RIMKLA: variants seen among roughly 807,000 people sequenced by gnomAD.
RIMKLA encodes ribosomal modification protein rimK like family member A.
In RIMKLA, 14 loss-of-function variants were observed where a neutral mutation model predicts 32.7. The observed-to-expected ratio is 0.43, with a 90% confidence interval of 0.28 to 0.67. The LOEUF is 0.67. Among genes scored for constraint, RIMKLA ranks in the 30% least tolerant of loss-of-function variants. RIMKLA has a pLI of 0.18. For missense variants in RIMKLA, 410 were observed against 519.0 expected (o/e 0.79, Z 2.04); for synonymous variants, 176 against 204.1 (o/e 0.86, Z 1.18).
intron 1 of RIMKLA, among the ~76,000 whole-genome samples, chr1:42,382,865 TG>T (rs1175061486): frequency 2.0e-5 from 3 of 152,172 alleles, no homozygotes; most frequent in African/African-American, 7.2e-5. Context: ...TTCTTTTTTT[TG>T]TTTTTTTTGA....
chr1:42,386,613 C>T (rs956940271), intron 1 of RIMKLA, among the ~76,000 whole-genome samples: 1 of 150,552 alleles, frequency 6.6e-6, no homozygotes. Context: ...CTGTGGCAGG[C>T]GCTTGTAATC....
intron 3 of RIMKLA, among the ~76,000 whole-genome samples, chr1:42,409,184 A>G (rs1301644764): frequency 3.2e-5 from 4 of 123,102 alleles, no homozygotes; most frequent in Non-Finnish European, 6.4e-5. Flanking sequence ...CCTGGGTGAC[A>G]GAGCGAGACT....
At chr1:42,400,740 C>T (rs1272535048) in intron 2 of RIMKLA, among the ~76,000 whole-genome samples, 1 of 151,988 alleles carries the variant, frequency 6.6e-6, no homozygotes, top group South Asian at 2.1e-4. Context: ...GTAGTACATG[C>T]AAGTAAAAAT....
chr1:42,385,076 T>C (rs1172166696), intron 1 of RIMKLA, among the ~76,000 whole-genome samples: 2 of 152,238 alleles, frequency 1.3e-5, no homozygotes, highest in Non-Finnish European at 2.9e-5. Flanking sequence ...TATAATTGTC[T>C]ATTTATACAG....
At position 42,381,108 on chromosome 1, in the gene RIMKLA, C is replaced by T. The variant is rs1476729270; in HGVS notation, c.163+11C>T. ...TCGGCGGCCACCTCGGTGAGCGAGG[C>T]GGGCCCGGGGAGGGCAGGGAGGCGC... On this transcript the variant is annotated intron_variant, in intron 1 of 4. Transcript: ENST00000431473. 5 of 1,245,698 alleles carry T rather than the reference C, an allele frequency of 4.0e-6. No individual in the cohort carries two copies. The South Asian group carries it at 1.0e-4, about 25-fold the overall frequency. The allele number at this position is 1,245,698 out of a possible 1,614,324, so 77.2% of individuals were successfully genotyped here. A position where few individuals can be genotyped will look rare whatever the true frequency, so the allele number is the denominator to read the frequency against.
In RIMKLA at chr1:42,414,566, C is replaced by T. The variant is rs1351148209; in HGVS notation, c.768C>T (p.Phe256=). The T allele has an allele frequency of 6.2e-7, 1 of 1,614,244 alleles. No individual in the cohort carries two copies. The highest frequency in any genetic ancestry group is 8.5e-7 in the Non-Finnish European group (1 of 1,180,038). ...IQVSNILGMD[F]CGIDLLIMDD... is the part of the protein sequence containing the mutation. ...TGTCCAACATCCTAGGCATGGACTTCTGTGGCATTGATCTCCTTATCATGG... is the reference window on the plus strand; with the variant it reads ...TGTCCAACATCCTAGGCATGGACTTTTGTGGCATTGATCTCCTTATCATGG... The change falls in exon 5 of 5, where the codon TTC becomes TTT. Residue 256 remains phenylalanine (F), a synonymous_variant. Coordinates refer to ENST00000431473, the MANE Select transcript of RIMKLA (RefSeq NM_173642.4).
In RIMKLA at chr1:42,418,411, C is replaced by T. The variant is rs1287156438; in HGVS notation, c.*3437C>T. The T allele has an allele frequency of 1.3e-5, 2 of 152,264 alleles. No homozygotes were observed. The highest frequency in any genetic ancestry group is 4.8e-5 in the African/African-American group (2 of 41,544). The allele number at this position is 152,264 out of a possible 1,614,324, so 9.4% of individuals were successfully genotyped here. On this transcript the variant is annotated 3_prime_UTR_variant, in exon 5 of 5. Transcript: ENST00000431473. ...GCCACTAGTGTCACAATTTCAGGCC[C>T]ATTGCTTCCAGCTAAAAGGAGATTC...
chr1:42,385,099 C>G (rs148534486), intron 1 of RIMKLA, among the ~76,000 whole-genome samples: 49 of 152,314 alleles, frequency 3.2e-4, no homozygotes, highest in Admixed American at 1.2e-3. Context: ...TATATCCCCC[C>G]TCCCTCTGAA....
At position 42,399,393 on chromosome 1, in the gene RIMKLA, T is replaced by G. The variant is rs1409477187; in HGVS notation, c.164-11T>G. 1 of 1,590,640 alleles carries G rather than the reference T, an allele frequency of 6.3e-7. No individual in the cohort carries two copies. The highest frequency in any genetic ancestry group is 1.7e-5 in the Admixed American group (1 of 57,360). ...GCAGGCACAGCACTCACTGTTGTCCTTGAATTGCAGGCCTCCAGCTAAACC... is the reference window on the plus strand; with the variant it reads ...GCAGGCACAGCACTCACTGTTGTCCGTGAATTGCAGGCCTCCAGCTAAACC... On this transcript the variant is annotated splice_polypyrimidine_tract_variant and intron_variant, in intron 1 of 4. Coordinates refer to ENST00000431473, the MANE Select transcript of RIMKLA (RefSeq NM_173642.4).
At chr1:42,411,984 T>C (rs1643202842) in intron 4 of RIMKLA, among the ~76,000 whole-genome samples, 1 of 152,204 alleles carries the variant, frequency 6.6e-6, no homozygotes, top group Non-Finnish European at 1.5e-5. Context: ...TTCATGATCA[T>C]GCTTAGTGCC....
chr1:42,387,219 T>C (rs1642957405), intron 1 of RIMKLA, among the ~76,000 whole-genome samples: 1 of 151,702 alleles, frequency 6.6e-6, no homozygotes, highest in Non-Finnish European at 1.5e-5. Flanking sequence ...CCAGCCTGGG[T>C]GATACAGTGA....
At chr1:42,402,544 A>T (rs1179592422) in intron 2 of RIMKLA, among the ~76,000 whole-genome samples, 1 of 151,804 alleles carries the variant, frequency 6.6e-6, no homozygotes, top group Non-Finnish European at 1.5e-5. Flanking sequence ...AAATGCAAGG[A>T]AATAGATTTT....
intron 1 of RIMKLA, among the ~76,000 whole-genome samples, chr1:42,384,008 C>T (rs1275028637): frequency 6.6e-6 from 1 of 152,138 alleles, no homozygotes; most frequent in East Asian, 1.9e-4. Flanking sequence ...TCACTCCTTT[C>T]CATTGCTTCT....
rs921276010 is a variant in RIMKLA at position 42,394,344 on chromosome 1, A to G, written c.164-5060A>G. On this transcript the variant is annotated intron_variant, in intron 1 of 4. Coordinates refer to ENST00000431473, the MANE Select transcript of RIMKLA (RefSeq NM_173642.4). Reference sequence around the variant, plus strand: ...TGAATCCAAGGATGCACATGTGTGCACACATATGTGAGTGACATGCATGCA... The same window carrying G: ...TGAATCCAAGGATGCACATGTGTGCGCACATATGTGAGTGACATGCATGCA... 2.6e-5 allele frequency among the ~76,000 whole-genome samples: 4 copies of G among 152,252 alleles called. No homozygotes were observed. The East Asian group carries it at 7.7e-4, about 29-fold the overall frequency.
intron 3 of RIMKLA, among the ~76,000 whole-genome samples, chr1:42,406,227 A>G (rs545722838): frequency 2.0e-4 from 30 of 152,224 alleles, no homozygotes; most frequent in Non-Finnish European, 3.7e-4. Context: ...TGAAAATACA[A>G]TTCACATAAA....
At chr1:42,384,524 T>C (rs904826240) in intron 1 of RIMKLA, among the ~76,000 whole-genome samples, 1 of 143,780 alleles carries the variant, frequency 7.0e-6, no homozygotes, top group African/African-American at 2.5e-5. Context: ...TATATGTGTG[T>C]ATATATACAT....
rs1453010006 is a variant in RIMKLA, at chr1:42,414,724, G to A, written c.926G>A (p.Gly309Glu). Residue 309 changes from glycine to glutamate, a missense_variant, in exon 5 of 5, where the codon GGA (glycine) becomes GAA (glutamate). Gly to Glu is a moderately conservative substitution (Grantham distance 98). Transcript: ENST00000431473. ...TCCTTGCTGCCAAATAGGCAGACTGGAAAGATGGCTGTCCTCCCAGGACTG... is the reference window on the plus strand; with the variant it reads ...TCCTTGCTGCCAAATAGGCAGACTGAAAAGATGGCTGTCCTCCCAGGACTG... ...TMSLLPNRQT[G>E]KMAVLPGLSS... 6.2e-7 allele frequency: 1 copy of A among 1,614,218 alleles called. No individual in the cohort carries two copies. Among genetic ancestry groups the A allele is most frequent in the Non-Finnish European group, 8.5e-7 (1 of 1,180,044 alleles).
chr1:42,396,602 A>G (rs1643050342), intron 1 of RIMKLA: 1 of 152,092 alleles, frequency 6.6e-6, no homozygotes, highest in South Asian at 2.1e-4. Flanking sequence ...TTTTCTTCCC[A>G]TTTAGAAGTT....
Position 42,419,617 on chromosome 1 carries a change from T to G in RIMKLA, c.*4643T>G, listed in dbSNP as rs571357400. On this transcript the variant is annotated 3_prime_UTR_variant, in exon 5 of 5. Transcript: ENST00000431473. ...TCCCATCCTGGGCCTACCCTCCGCC[T>G]CCTCCCCTTCTGATGAGCCTCTGTT... The G allele has an allele frequency of 6.6e-6, 1 of 152,332 alleles. No homozygotes were observed. The highest frequency in any genetic ancestry group is 2.1e-4 in the South Asian group (1 of 4,804). 9.4% of individuals were successfully genotyped at this position (152,332 alleles called of 1,614,324 possible). A position where few individuals can be genotyped will look rare whatever the true frequency, so the allele number is the denominator to read the frequency against.
Sources: gnomAD v4.1 joint callset for allele counts (sites outside exome capture counted in the v4.1 genomes callset) on GRCh38, gnomAD v4.1.1 for gene constraint, MANE v1.5 for transcripts, NCBI Gene and HGNC (gene_info 2026-07-23, HGNC 2026-07-21) for gene names.